MSRB3: variants seen among roughly 807,000 people sequenced by gnomAD.
MSRB3 encodes methionine-R-sulfoxide reductase B3.
Under a neutral mutation model 21.0 loss-of-function variants are expected in MSRB3, and 13 were observed. The ratio of observed to expected loss-of-function variants is 0.62; its 90% CI spans 0.40 to 0.98. The LOEUF (loss-of-function observed/expected upper bound fraction) is 0.98. MSRB3 is among the 50% of genes least tolerant of loss of function. The pLI is 0.00. For synonymous variants in MSRB3, 87 were observed against 88.6 expected (o/e 0.98, Z 0.10); for missense variants, 199 against 230.3 (o/e 0.86, Z 0.88).
chr12:65,379,725 G>A (rs1169740061), intron 5 of MSRB3, among the ~76,000 whole-genome samples: 1 of 152,122 alleles, frequency 6.6e-6, no homozygotes, highest in Non-Finnish European at 1.5e-5. Context: ...AGTATAAATT[G>A]GGAAGTATAT....
chr12:65,460,641 C>T (rs1420813612), intron 6 of MSRB3, among the ~76,000 whole-genome samples: 1 of 152,024 alleles, frequency 6.6e-6, no homozygotes, highest in African/African-American at 2.4e-5. Context: ...GGACTCAAAC[C>T]GTTTCTGAGG....
chr12:65,432,104 T>G (rs930969241), intron 5 of MSRB3, among the ~76,000 whole-genome samples: 2 of 152,038 alleles, frequency 1.3e-5, no homozygotes, highest in African/African-American at 4.8e-5. Flanking sequence ...TTTTTTAAAC[T>G]TTTAAATCAA....
At chr12:65,439,891 C>G (rs1459067806) in intron 5 of MSRB3, among the ~76,000 whole-genome samples, 1 of 151,538 alleles carries the variant, frequency 6.6e-6, no homozygotes, top group Middle Eastern at 3.4e-3. Context: ...AAACCTAGAG[C>G]AGAAATATTT....
At chr12:65,425,692 T>G (rs1881564585) in intron 5 of MSRB3, among the ~76,000 whole-genome samples, 1 of 152,160 alleles carries the variant, frequency 6.6e-6, no homozygotes. Context: ...TTACATCTTT[T>G]TTTTTGTATA....
chr12:65,405,019 A>G (rs1880335030), intron 5 of MSRB3, among the ~76,000 whole-genome samples: 1 of 151,130 alleles, frequency 6.6e-6, no homozygotes, highest in Admixed American at 6.6e-5. Flanking sequence ...GCAGTGGTGC[A>G]GTCTTGGCTC....
At chr12:65,343,655 A>C (rs907857094) in intron 4 of MSRB3, among the ~76,000 whole-genome samples, 1 of 152,102 alleles carries the variant, frequency 6.6e-6, no homozygotes, top group African/African-American at 2.4e-5. Context: ...AGAAAATCAA[A>C]GCTCACAAAG....
At chr12:65,436,674 A>G (rs2136672982) in intron 5 of MSRB3, among the ~76,000 whole-genome samples, 1 of 152,064 alleles carries the variant, frequency 6.6e-6, no homozygotes, top group East Asian at 1.9e-4. Context: ...GAAAATTTAC[A>G]AAAATCATTA....
At chr12:65,428,468 T>C (rs1241679235) in intron 5 of MSRB3, among the ~76,000 whole-genome samples, 6 of 152,200 alleles carry the variant, frequency 3.9e-5, no homozygotes, top group Admixed American at 3.9e-4. Flanking sequence ...GTTACATCCC[T>C]ATTATTCATT....
At chr12:65,398,522 G>T (rs969941260) in intron 5 of MSRB3, among the ~76,000 whole-genome samples, 3 of 152,038 alleles carry the variant, frequency 2.0e-5, no homozygotes, top group Non-Finnish European at 4.4e-5. Context: ...TTGTCAGATG[G>T]ATAGATGGCA....
intron 5 of MSRB3, among the ~76,000 whole-genome samples, chr12:65,404,203 A>T (rs1006337676): frequency 3.3e-5 from 5 of 152,238 alleles, no homozygotes; most frequent in African/African-American, 1.2e-4. Context: ...ACCTTTTCAA[A>T]TAGCTGGGAC....
At chr12:65,453,906 G>A (rs535395278) in intron 6 of MSRB3, 81 bp downstream of exon 6, 76 of 1,118,176 alleles carry the variant, frequency 6.8e-5, no homozygotes, top group Middle Eastern at 3.9e-4. Flanking sequence ...AAGGCCAAGC[G>A]ACTGGTCACA....
chr12:65,372,569 T>C (rs1032097329), intron 5 of MSRB3, among the ~76,000 whole-genome samples: 2 of 152,218 alleles, frequency 1.3e-5, no homozygotes, highest in African/African-American at 4.8e-5. Flanking sequence ...ATTTTACTAA[T>C]AGAGTAAAAC....
At chr12:65,335,456 A>G (rs1875702837) in intron 4 of MSRB3, among the ~76,000 whole-genome samples, 1 of 152,104 alleles carries the variant, frequency 6.6e-6, no homozygotes, top group Non-Finnish European at 1.5e-5. Context: ...AATTTAAGCC[A>G]TTTTTCAGCT....
intron 1 of MSRB3, among the ~76,000 whole-genome samples, chr12:65,288,686 A>T (rs1277166480): frequency 6.6e-6 from 1 of 152,208 alleles, no homozygotes; most frequent in Admixed American, 6.5e-5. Context: ...TTGCTTATTT[A>T]TGCTTGACAA....
At chr12:65,330,884 T>A (rs1013117989) in intron 4 of MSRB3, among the ~76,000 whole-genome samples, 1 of 152,186 alleles carries the variant, frequency 6.6e-6, no homozygotes, top group Non-Finnish European at 1.5e-5. Context: ...ACTAGCCTAC[T>A]TAAGTGAGAA....
intron 1 of MSRB3, among the ~76,000 whole-genome samples, chr12:65,298,723 T>C (rs569154914): frequency 6.6e-6 from 1 of 152,266 alleles, no homozygotes; most frequent in African/African-American, 2.4e-5. Flanking sequence ...GATACAAAAA[T>C]TCAGATACAA....
intron 5 of MSRB3, among the ~76,000 whole-genome samples, chr12:65,432,248 T>C (rs1881910609): frequency 6.6e-6 from 1 of 152,044 alleles, no homozygotes; most frequent in Non-Finnish European, 1.5e-5. Flanking sequence ...GCAGAAAATG[T>C]AAGTCCTTGG....
chr12:65,350,167 A>AT, intron 4 of MSRB3, among the ~76,000 whole-genome samples: 1 of 151,862 alleles, frequency 6.6e-6, no homozygotes, highest in African/African-American at 2.4e-5. Flanking sequence ...TAAATAGGGA[A>AT]TCCTTTCCCC....
chr12:65,418,981 A>G, intron 5 of MSRB3: 1 of 708,062 alleles, frequency 1.4e-6, no homozygotes, highest in Non-Finnish European at 2.6e-6. Flanking sequence ...CTCCAACTCC[A>G]GGTGCAGCAG....
Sources: gnomAD v4.1 joint callset for allele counts (sites outside exome capture counted in the v4.1 genomes callset) on GRCh38, gnomAD v4.1.1 for gene constraint, MANE v1.5 for transcripts, NCBI Gene and HGNC (gene_info 2026-07-23, HGNC 2026-07-21) for gene names.